Variants in NAP1L4 observed in about 807,000 individuals in gnomAD.
NAP1L4 encodes nucleosome assembly protein 1-like 4.
In NAP1L4, 15 loss-of-function variants were observed where a neutral mutation model predicts 58.2. The observed-to-expected ratio is 0.26, with a 90% CI of 0.17 to 0.40. The LOEUF is 0.40. Ranked by LOEUF, NAP1L4 falls within the 10% of genes least tolerant of loss-of-function variation. The pLI, the probability that NAP1L4 is intolerant of heterozygous loss-of-function variation, is 1.00. For missense variants in NAP1L4, 384 were observed against 451.1 expected (o/e 0.85, Z 1.35); for synonymous variants, 171 against 155.6 (o/e 1.10, Z -0.74).
chr11:2,948,757 G>A lies in NAP1L4; in HGVS notation c.*32+470C>T, dbSNP rs1007495648. The stretch of plus-strand genomic sequence containing the variant: ...TACCCCTCTGTGTACCTATTGGTCT[G>A]CACAAAACATGAATTCAAAAAGTAT... On this transcript the variant is annotated intron_variant, in intron 15 of 15. Coordinates refer to ENST00000380542, the MANE Select transcript of NAP1L4 (RefSeq NM_005969.4). The surrounding 1 kb of genome is among the most constrained non-coding windows in gnomAD (Gnocchi z 5.1). Among the ~76,000 whole-genome samples the A allele has an allele frequency of 6.6e-6, 1 of 152,210 alleles. No individual in the cohort carries two copies. Among genetic ancestry groups the A allele is most frequent in the Non-Finnish European group, 1.5e-5 (1 of 68,046 alleles).
chr11:2,989,425 C>T (rs1358287893), intron 1 of NAP1L4, among the ~76,000 whole-genome samples: 1 of 152,164 alleles, frequency 6.6e-6, no homozygotes, highest in African/African-American at 2.4e-5. Flanking sequence ...CTTAGGCCGT[C>T]AGGAATTTAA....
At position 2,981,431 on chromosome 11, in the gene NAP1L4, A is replaced by C. The variant is rs1328383079; in HGVS notation, c.-17-2194T>G. Reference sequence around the variant, plus strand: ...AGTACCCTGTCTCAAAAAAAAAAAAAAAAAAAAAAAAAAAGGCAATAAACC... The same window carrying C: ...AGTACCCTGTCTCAAAAAAAAAAAACAAAAAAAAAAAAAAGGCAATAAACC... On this transcript the variant is annotated intron_variant, in intron 1 of 15. Coordinates refer to ENST00000380542, the MANE Select transcript of NAP1L4 (RefSeq NM_005969.4). 3.3e-5 allele frequency among the ~76,000 whole-genome samples: 5 copies of C among 149,888 alleles called. No homozygotes were observed. In the South Asian group the frequency reaches 6.3e-4, roughly 19 times the overall value.
chr11:2,971,862 A>G lies in NAP1L4; in HGVS notation c.315+240T>C, dbSNP rs1228422057. Among the ~76,000 whole-genome samples, 1 of 152,204 alleles carries G rather than the reference A, an allele frequency of 6.6e-6. No homozygotes were observed. The highest frequency in any genetic ancestry group is 1.5e-5 in the Non-Finnish European group (1 of 68,034). On this transcript the variant is annotated intron_variant, in intron 5 of 15. Transcript: ENST00000380542. This position sits in a 1 kb window ranked among gnomAD's most constrained non-coding sequence, Gnocchi z 4.2. ...TGTTCCTCTCTCTGTGTAGGGTTCA[A>G]TACATTACGCGAGATACTCAGCACT...
rs1187660267 is a variant in NAP1L4 at position 2,948,829 on chromosome 11, A to G, written c.*32+398T>C. Among the ~76,000 whole-genome samples the G allele has an allele frequency of 6.6e-6, 1 of 152,188 alleles. No individual in the cohort carries two copies. The highest frequency in any genetic ancestry group is 2.4e-5 in the African/African-American group (1 of 41,454). On this transcript the variant is annotated intron_variant, in intron 15 of 15. Coordinates refer to ENST00000380542, the MANE Select transcript of NAP1L4 (RefSeq NM_005969.4). This position sits in a 1 kb window ranked among gnomAD's most constrained non-coding sequence, Gnocchi z 5.1. ...TGGTAATGACAGTGGGCCAATTTCA[A>G]CTGCCAGTGTGTGTTCTGAGCACAG...
intron 4 of NAP1L4, among the ~76,000 whole-genome samples, chr11:2,975,042 G>A (rs920898923): frequency 5.3e-5 from 8 of 151,656 alleles, no homozygotes; most frequent in Non-Finnish European, 1.2e-4. Flanking sequence ...CCTTCTTGTC[G>A]TAATAGCCCT....
Position 2,954,740 on chromosome 11 carries a change from T to C in NAP1L4, c.916-94A>G. Reference sequence around the variant, plus strand: ...CCAAACCTCAGCCCCTCACTTTTGATTTACTTAACTTAAAACACCAAACTC... The same window carrying C: ...CCAAACCTCAGCCCCTCACTTTTGACTTACTTAACTTAAAACACCAAACTC... On this transcript the variant is annotated intron_variant, in intron 11 of 15. Transcript: ENST00000380542. This position sits in a 1 kb window ranked among gnomAD's most constrained non-coding sequence, Gnocchi z 4.8. The C allele has an allele frequency of 6.5e-7, 1 of 1,540,648 alleles. No homozygotes were observed. The highest frequency in any genetic ancestry group is 8.9e-7 in the Non-Finnish European group (1 of 1,119,590).
At position 2,945,626 on chromosome 11, in the gene NAP1L4, C is replaced by G; in HGVS notation, c.*53G>C. On this transcript the variant is annotated 3_prime_UTR_variant, in exon 16 of 16. Coordinates refer to ENST00000380542, the MANE Select transcript of NAP1L4 (RefSeq NM_005969.4). ...CCGCTTCCTACTGCTGCTTGCATTC[C>G]GCCGGCTGGCTGGGTTCCTTCTGTC... is the stretch of plus-strand genomic sequence containing the variant. 1 of 1,536,020 alleles carries G rather than the reference C, an allele frequency of 6.5e-7. No homozygotes were observed. Among genetic ancestry groups the G allele is most frequent in the Non-Finnish European group, 8.7e-7 (1 of 1,146,866 alleles).
In NAP1L4 at chr11:2,946,656, C is replaced by T. The variant is rs1324247779; in HGVS notation, c.*33-1010G>A. On this transcript the variant is annotated intron_variant, in intron 15 of 15. Transcript: ENST00000380542. The surrounding 1 kb of genome is among the most constrained non-coding windows in gnomAD (Gnocchi z 4.8). ...CTACAGTTCATTCTTTTGGAAATCA[C>T]ATTTAAGGGATGGCCGAAAAAATAT... 6.6e-6 allele frequency among the ~76,000 whole-genome samples: 1 copy of T among 152,150 alleles called. No homozygotes were observed. The highest frequency in any genetic ancestry group is 2.4e-5 in the African/African-American group (1 of 41,446).
intron 1 of NAP1L4, among the ~76,000 whole-genome samples, chr11:2,981,418 CAAA>C (rs35499396): frequency 3.1e-4 from 13 of 41,280 alleles, no homozygotes; most frequent in East Asian, 1.7e-3. Flanking sequence ...TACCCTGTCT[CAAA>C]AAAAAAAAAA....
At position 2,945,501 on chromosome 11, in the gene NAP1L4, A is replaced by T. The variant is rs1285581809; in HGVS notation, c.*178T>A. The T allele has an allele frequency of 2.2e-6, 2 of 915,702 alleles. No homozygotes were observed. Among genetic ancestry groups the T allele is most frequent in the Non-Finnish European group, 3.2e-6 (2 of 622,534 alleles). The allele number at this position is 915,702 out of a possible 1,614,324, so 56.7% of individuals were successfully genotyped here. A position where few individuals can be genotyped will look rare whatever the true frequency, so the allele number is the denominator to read the frequency against. ...AAAATCATGCACTTGAAAACGAGTT[A>T]GATGGAGTAAGCTCTGTCCACGGGA... On this transcript the variant is annotated 3_prime_UTR_variant, in exon 16 of 16. Transcript: ENST00000380542.
intron 1 of NAP1L4, among the ~76,000 whole-genome samples, chr11:2,980,369 G>C (rs943555022): frequency 1.3e-5 from 2 of 152,072 alleles, no homozygotes; most frequent in Non-Finnish European, 2.9e-5. Flanking sequence ...ATTTTTTGTA[G>C]AGATAGGGTC....
In NAP1L4 at chr11:2,971,380, T is replaced by C; in HGVS notation, c.402+68A>G. The C allele has an allele frequency of 2.1e-6, 3 of 1,395,406 alleles. No homozygotes were observed. Among genetic ancestry groups the C allele is most frequent in the Admixed American group, 1.8e-5 (1 of 54,896 alleles). The allele number at this position is 1,395,406 out of a possible 1,614,324, so 86.4% of individuals were successfully genotyped here. On this transcript the variant is annotated intron_variant, in intron 6 of 15. Transcript: ENST00000380542. The surrounding 1 kb of genome is among the most constrained non-coding windows in gnomAD (Gnocchi z 4.2). The stretch of plus-strand genomic sequence containing the variant: ...ACATAAGTTTACTAGTCATTAAAAA[T>C]CATTAAAAAATGCTTATTTTTAACA...
intron 4 of NAP1L4, among the ~76,000 whole-genome samples, chr11:2,972,969 T>C (rs1004807230): frequency 7.9e-5 from 12 of 152,138 alleles, no homozygotes; most frequent in Non-Finnish European, 1.2e-4. Flanking sequence ...AGACCCTATC[T>C]TACCAAAAGG....
At position 2,964,725 on chromosome 11, in the gene NAP1L4, G is replaced by A; in HGVS notation, c.561C>T (p.His187=). Residue 187 remains histidine (H), a synonymous_variant, in exon 8 of 16, where the codon CAC becomes CAT. Transcript: ENST00000380542. The stretch of plus-strand genomic sequence containing the variant: ...AAAATTTCACTTTAATATCCTGCAG[G>A]TGTTTCAAGATTGGTTCATCATATT... ...VQEYDEPILK[H]LQDIKVKFSD... 1 of 1,613,826 alleles carries A rather than the reference G, an allele frequency of 6.2e-7. No individual in the cohort carries two copies. The highest frequency in any genetic ancestry group is 8.5e-7 in the Non-Finnish European group (1 of 1,179,850).
chr11:2,978,162 A>T, intron 3 of NAP1L4, 122 bp downstream of exon 3: 1 of 865,770 alleles, frequency 1.2e-6, no homozygotes, highest in Admixed American at 2.9e-5. Flanking sequence ...TTTCATTTTA[A>T]TTACTCTAGC....
chr11:2,958,087 G>A, intron 10 of NAP1L4: 1 of 519,420 alleles, frequency 1.9e-6, no homozygotes, highest in South Asian at 1.5e-5. Context: ...AAGCAGCCCA[G>A]GTGCAAATAC....
At chr11:2,988,375 C>G (rs1015547673) in intron 1 of NAP1L4, among the ~76,000 whole-genome samples, 4 of 152,208 alleles carry the variant, frequency 2.6e-5, no homozygotes, top group African/African-American at 4.8e-5. Flanking sequence ...AAAGTCCCTA[C>G]TCCTCTGCAC....
In NAP1L4 at chr11:2,971,791, A is replaced by G. The variant is rs1201740662; in HGVS notation, c.316-257T>C. On this transcript the variant is annotated intron_variant, in intron 5 of 15. Coordinates refer to ENST00000380542, the MANE Select transcript of NAP1L4 (RefSeq NM_005969.4). This position sits in a 1 kb window ranked among gnomAD's most constrained non-coding sequence, Gnocchi z 4.2. Reference sequence around the variant, plus strand: ...TCAGCTAAAGATTTTCAACTTCCTGATGGTGCAGAAGCCATCACACTTTGG... The same window carrying G: ...TCAGCTAAAGATTTTCAACTTCCTGGTGGTGCAGAAGCCATCACACTTTGG... 6.6e-6 allele frequency among the ~76,000 whole-genome samples: 1 copy of G among 152,200 alleles called. No individual in the cohort carries two copies. The highest frequency in any genetic ancestry group is 1.9e-4 in the East Asian group (1 of 5,204).
At chr11:2,983,329 A>C (rs1319626614) in intron 1 of NAP1L4, among the ~76,000 whole-genome samples, 1 of 152,166 alleles carries the variant, frequency 6.6e-6, no homozygotes, top group Non-Finnish European at 1.5e-5. Context: ...AAAATGATTC[A>C]CTCAATTTTC....
Sources: allele counts gnomAD v4.1 joint callset (sites outside exome capture counted in the v4.1 genomes callset), GRCh38; gene constraint gnomAD v4.1.1; non-coding constraint Gnocchi (gnomAD v3.1); transcripts MANE v1.5; gene names NCBI Gene and HGNC (gene_info 2026-07-23, HGNC 2026-07-21).